Variants in MACF1 observed in about 807,000 individuals in gnomAD.
MACF1 encodes microtubule-actin cross-linking factor 1.
In MACF1, 193 loss-of-function variants were observed where a neutral mutation model predicts 854.8. That is an observed-to-expected ratio of 0.23 (90% confidence interval 0.20 to 0.25). The LOEUF (loss-of-function observed/expected upper bound fraction) is 0.25, where lower values mean the gene tolerates loss of function less well. MACF1 is among the 10% of genes least tolerant of loss of function. The pLI is 1.00. For synonymous variants in MACF1, 3,185 were observed against 3,226.7 expected, an observed-to-expected ratio of 0.99 and a Z score of 0.44; for missense variants, 7,722 against 8,929.1, an observed-to-expected ratio of 0.86 and a Z score of 5.45.
intron 2 of MACF1, among the ~76,000 whole-genome samples, chr1:39,194,684 C>T (rs1349666664): frequency 6.9e-6 from 1 of 145,420 alleles, no homozygotes; most frequent in African/African-American, 2.6e-5. Flanking sequence ...CTCCCCTCCC[C>T]TCCCCTCCCC....
chr1:39,167,433 G>A (rs549181493), intron 2 of MACF1, among the ~76,000 whole-genome samples: 3 of 151,790 alleles, frequency 2.0e-5, no homozygotes, highest in Non-Finnish European at 2.9e-5. Flanking sequence ...TAGACCGGGC[G>A]CGGTGGCTCA....
intron 2 of MACF1, among the ~76,000 whole-genome samples, chr1:39,248,695 T>C (rs1299269721): frequency 6.6e-6 from 1 of 152,222 alleles, no homozygotes; most frequent in Non-Finnish European, 1.5e-5. Context: ...ATCTTCCTTA[T>C]AATTTTCACA....
At chr1:39,141,155 A>G (rs1643337172) in intron 2 of MACF1, among the ~76,000 whole-genome samples, 1 of 152,096 alleles carries the variant, frequency 6.6e-6, no homozygotes, top group African/African-American at 2.4e-5. Flanking sequence ...TGTTCATAAT[A>G]TTTTCACGCT....
At chr1:39,251,797 T>C in intron 3 of MACF1, 49 bp from the exon 4 acceptor site, 1 of 1,082,092 alleles carries the variant, frequency 9.2e-7, no homozygotes. Flanking sequence ...CTTTTTATTG[T>C]GAATTTCTTG....
rs547788471 is a variant in MACF1 at position 39,394,248 on chromosome 1, T to C, written c.15816+5590T>C. Among the ~76,000 whole-genome samples, 6 of 146,274 alleles carry C rather than the reference T, an allele frequency of 4.1e-5. No homozygotes were observed. The South Asian group carries it at 8.5e-4, about 21-fold the overall frequency. On this transcript the variant is annotated intron_variant, in intron 58 of 100. Transcript: ENST00000564288. ...CTTGTAAACGCCTTCATTTGATTGA[T>C]TGATTGATTGATTGATTGATTGATT...
Position 39,251,902 on chromosome 1 carries a change from A to G in MACF1, c.318A>G (p.Thr106=), listed in dbSNP as rs138393027. 9.0e-5 allele frequency: 137 copies of G among 1,521,170 alleles called. No homozygotes were observed. In the East Asian group the frequency reaches 2.9e-3, roughly 32 times the overall value. 94.2% of individuals were successfully genotyped at this position (1,521,170 alleles called of 1,614,324 possible). The change falls in exon 4 of 101, where the codon ACA becomes ACG. Residue 106 remains threonine, a synonymous_variant. Transcript: ENST00000564288. ...TGAGCATGCCCTCCTGGTGCCATAC[A>G]AACAACGAGGAGCAGGCGGAGGAAG... ...RLVSMPSWCH[T]NNEEQAEEDD...
chr1:39,258,781 G>T (rs561868169), intron 6 of MACF1, among the ~76,000 whole-genome samples: 3 of 152,338 alleles, frequency 2.0e-5, no homozygotes, highest in African/African-American at 7.2e-5. Context: ...AGAAGGCAGG[G>T]TGCCGACTTC....
chr1:39,152,900 G>A (rs1161485411), intron 2 of MACF1, among the ~76,000 whole-genome samples: 1 of 151,144 alleles, frequency 6.6e-6, no homozygotes, highest in Non-Finnish European at 1.5e-5. Flanking sequence ...CTAGAGACTT[G>A]TTTGATTTGC....
chr1:39,358,291 C>T (rs1185533100), intron 45 of MACF1, among the ~76,000 whole-genome samples: 5 of 152,188 alleles, frequency 3.3e-5, no homozygotes, highest in Non-Finnish European at 5.9e-5. Flanking sequence ...TACCTTCCTT[C>T]CTATCTAAAG....
chr1:39,323,154 A>ACAG, intron 33 of MACF1, 146 bp downstream of exon 33: 1 of 705,324 alleles, frequency 1.4e-6, no homozygotes, highest in Non-Finnish European at 2.5e-6. Context: ...AGCATGGGTG[A>ACAG]CATAGGGAAA....
intron 94 of MACF1, 51 bp downstream of exon 94, chr1:39,463,737 C>A: frequency 6.6e-7 from 1 of 1,508,008 alleles, no homozygotes; most frequent in Non-Finnish European, 9.2e-7. Flanking sequence ...TCATATGTGG[C>A]TGATCCCACC....
rs765783165 is a variant in MACF1 at position 39,452,207 on chromosome 1, C to T, written c.20470C>T (p.Arg6824Trp). 3.1e-6 allele frequency: 5 copies of T among 1,613,918 alleles called. No individual in the cohort carries two copies. The highest frequency in any genetic ancestry group is 1.1e-5 in the South Asian group (1 of 91,022). Reference protein sequence around the residue: ...KRTGTVQVLKRSGRELIENSR... With the variant: ...KRTGTVQVLKWSGRELIENSR... ...AACAGGAACCGTTCAGGTCCTGAAG[C>T]GGTCAGGCCGAGAGCTGATTGAGAA... Residue 6824 changes from arginine (R) to tryptophan (W), a missense_variant, in exon 86 of 101, where the codon CGG becomes TGG. By Grantham distance (101) the Arg-to-Trp change is moderately radical (BLOSUM62 -3). Around this residue, in one of 15 missense-constraint regions of MACF1, gnomAD observed 729 missense variants for 900.5 expected, o/e 0.81. Transcript: ENST00000564288.
intron 97 of MACF1, among the ~76,000 whole-genome samples, chr1:39,474,980 G>A (rs975722212): frequency 3.9e-5 from 6 of 152,172 alleles, no homozygotes; most frequent in Non-Finnish European, 8.8e-5. Flanking sequence ...GCAGCCAAAT[G>A]TACAAGGTTA....
intron 36 of MACF1, among the ~76,000 whole-genome samples, chr1:39,330,975 T>G (rs1435434663): frequency 6.6e-6 from 1 of 152,008 alleles, no homozygotes; most frequent in African/African-American, 2.4e-5. Flanking sequence ...ATATTTTGTA[T>G]TTTTAGTAGA....
chr1:39,376,985 C>T (rs1649778189), intron 52 of MACF1, among the ~76,000 whole-genome samples: 1 of 151,948 alleles, frequency 6.6e-6, no homozygotes, highest in Non-Finnish European at 1.5e-5. Flanking sequence ...CAGGCGTGAG[C>T]CATTACACCT....
chr1:39,103,748 C>T (rs974811809), intron 2 of MACF1: 1 of 152,220 alleles, frequency 6.6e-6, no homozygotes, highest in Non-Finnish European at 1.5e-5. Flanking sequence ...AGGATCCTCC[C>T]TGTCCTCTTT....
Position 39,427,508 on chromosome 1 carries a change from C to T in MACF1, c.16370C>T (p.Ala5457Val). ...CTGGCCAAACAGTTCCATGAGACAGCTGAGCCTATTTCTGACTTCTTATCT... is the reference window on the plus strand; with the variant it reads ...CTGGCCAAACAGTTCCATGAGACAGTTGAGCCTATTTCTGACTTCTTATCT... ...LVLAKQFHET[A>V]EPISDFLSVT... is the part of the protein sequence containing the mutation. The change falls in exon 62 of 101, where the codon GCT becomes GTT. Residue 5457 changes from alanine to valine, a missense_variant. Transcript: ENST00000564288. The T allele has an allele frequency of 6.2e-7, 1 of 1,614,088 alleles. No individual in the cohort carries two copies. Among genetic ancestry groups the T allele is most frequent in the African/African-American group, 1.3e-5 (1 of 75,040 alleles).
At chr1:39,484,870 C>T in intron 100 of MACF1, 140 bp downstream of exon 100, 1 of 902,566 alleles carries the variant, frequency 1.1e-6, no homozygotes, top group Non-Finnish European at 1.8e-6. Context: ...CCTGCAGATG[C>T]TCAAGTGACC....
intron 2 of MACF1, among the ~76,000 whole-genome samples, chr1:39,102,316 G>A (rs916023547): frequency 1.3e-5 from 2 of 152,082 alleles, no homozygotes; most frequent in Non-Finnish European, 2.9e-5. Flanking sequence ...TGAATTAGAC[G>A]ACAAACAGTC....
Sources: gnomAD v4.1 joint callset for allele counts (sites outside exome capture counted in the v4.1 genomes callset) on GRCh38, gnomAD v4.1.1 for gene constraint, gnomAD v4.1.1 regional missense constraint, MANE v1.5 for transcripts, NCBI Gene and HGNC (gene_info 2026-07-23, HGNC 2026-07-21) for gene names.